RPS8: variants seen among roughly 807,000 people sequenced by gnomAD.
RPS8 encodes ribosomal protein S8, also known as small ribosomal subunit protein eS8.
For synonymous variants in RPS8, 100 were observed against 100.7 expected (o/e 0.99, Z 0.04); for missense variants, 141 against 269.7 (o/e 0.52, Z 3.34).
At chr1:44,775,675 C>T (rs1650819348) in intron 1 of RPS8, 75 bp downstream of exon 1, 2 of 1,586,702 alleles carry the variant, frequency 1.3e-6, no homozygotes, top group South Asian at 2.2e-5. Context: ...TCACAGCCTA[C>T]TGAGGAGTCC....
In RPS8 at chr1:44,778,670, C is replaced by G. The variant is rs1291170668; in HGVS notation, c.612C>G (p.Ala204=). 6.2e-7 allele frequency: 1 copy of G among 1,609,198 alleles called. No homozygotes were observed. The highest frequency in any genetic ancestry group is 8.5e-7 in the Non-Finnish European group (1 of 1,177,888). ...ELEFYLRKIK[A]RKGK ...AGTTCTATCTTAGGAAAATCAAGGC[C>G]CGCAAAGGCAAATAAATCCTTGTTT... The change falls in exon 6 of 6, where the codon GCC becomes GCG. Residue 204 remains alanine, a synonymous_variant. Coordinates refer to ENST00000396651, the MANE Select transcript of RPS8 (RefSeq NM_001012.2).
At chr1:44,778,415 T>C in intron 5 of RPS8, 161 bp from the exon 6 acceptor site, 1 of 813,210 alleles carries the variant, frequency 1.2e-6, no homozygotes, top group East Asian at 2.4e-5. Flanking sequence ...CTTTGTCCAG[T>C]TCTGCTACTG....
At chr1:44,775,931 A>T in intron 1 of RPS8, 103 bp from the exon 2 acceptor site, 1 of 1,077,428 alleles carries the variant, frequency 9.3e-7, no homozygotes, top group Non-Finnish European at 1.4e-6. Flanking sequence ...AACCTTGGAG[A>T]GCTGAGCGTG....
intron 1 of RPS8, 73 bp from the exon 2 acceptor site, chr1:44,775,961 G>T: frequency 1.4e-6 from 2 of 1,413,654 alleles, no homozygotes; most frequent in East Asian, 4.6e-5. Context: ...CGGCGCGGGG[G>T]TCTCCGGGAG....
At position 44,776,666 on chromosome 1, in the gene RPS8, GT is replaced by G. The variant is rs1383682385; in HGVS notation, c.112-5del. 6.2e-7 allele frequency: 1 copy of G among 1,613,094 alleles called. No homozygotes were observed. Among genetic ancestry groups the G allele is most frequent in the Non-Finnish European group, 8.5e-7 (1 of 1,179,442 alleles). On this transcript the variant is annotated splice_polypyrimidine_tract_variant and splice_region_variant and intron_variant, in intron 2 of 5. Transcript: ENST00000396651. ...GGTAACCTAGTTCCTGTAACCTTGTGTTTTCCAGATTGGCCCCCGCCGCATC... is the reference window on the plus strand; with the variant it reads ...GGTAACCTAGTTCCTGTAACCTTGTGTTTCCAGATTGGCCCCCGCCGCATC...
In RPS8 at chr1:44,778,046, T is replaced by C. The variant is rs1650920453; in HGVS notation, c.434T>C (p.Ile145Thr). The change falls in exon 5 of 6, where the codon ATT becomes ACT. Residue 145 changes from isoleucine to threonine, a missense_variant. Ile to Thr is a moderately conservative substitution (Grantham distance 89, BLOSUM62 -1). Transcript: ENST00000396651. ...EILNKKRSKK[I>T]QKKYDERKKN... ...TTAAACAAAAAACGATCTAAAAAAA[T>C]TCAGAAGAAATATGATGAAAGGAAA... 1.9e-6 allele frequency: 3 copies of C among 1,613,404 alleles called. No individual in the cohort carries two copies. The Admixed American group carries it at 5.0e-5, about 27-fold the overall frequency.
intron 5 of RPS8, 106 bp from the exon 6 acceptor site, chr1:44,778,470 A>G (rs889102023): frequency 7.5e-6 from 7 of 927,620 alleles, no homozygotes; most frequent in Non-Finnish European, 1.3e-5. Flanking sequence ...AGCTGGCTTC[A>G]TGCTTGCCCC....
In RPS8 at chr1:44,775,568, C is replaced by T. The variant is rs754429093; in HGVS notation, c.-29C>T. 16 of 1,613,918 alleles carry T rather than the reference C, an allele frequency of 9.9e-6. No individual in the cohort carries two copies. Among genetic ancestry groups the T allele is most frequent in the East Asian group, 4.5e-5 (2 of 44,890 alleles). On this transcript the variant is annotated 5_prime_UTR_variant, in exon 1 of 6. Coordinates refer to ENST00000396651, the MANE Select transcript of RPS8 (RefSeq NM_001012.2). ...TTACAAACCGAACCGTGAATCTTTG[C>T]GGTTTCTCTTTCCAGCCAGCGCCGA...
chr1:44,776,480 T>A (rs1471268798), intron 2 of RPS8, 195 bp from the exon 3 acceptor site: 1 of 764,314 alleles, frequency 1.3e-6, no homozygotes, highest in Non-Finnish European at 2.4e-6. Context: ...CAGGCTTTCC[T>A]CTTGGAGGCA....
At chr1:44,776,828 A>G (rs1422719050) in intron 3 of RPS8, 54 bp downstream of exon 3, 1 of 1,394,762 alleles carries the variant, frequency 7.2e-7, no homozygotes, top group Non-Finnish European at 9.9e-7. Flanking sequence ...CGGTCTTAAG[A>G]TTCACCAAGT....
At chr1:44,778,358 TG>T in intron 5 of RPS8, 1 of 806,756 alleles carries the variant, frequency 1.2e-6, no homozygotes. Context: ...TCTTTGTATT[TG>T]GGGAAGTCTC....
chr1:44,777,212 C>A, intron 3 of RPS8: 1 of 213,340 alleles, frequency 4.7e-6, no homozygotes, highest in South Asian at 7.3e-5. Flanking sequence ...GCTGGGATTA[C>A]AGGCGTGTGC....
intron 4 of RPS8, 41 bp from the exon 5 acceptor site, chr1:44,777,959 C>G (rs773786387): frequency 6.2e-7 from 1 of 1,612,604 alleles, no homozygotes; most frequent in South Asian, 1.1e-5. Context: ...CCAGGGCCTG[C>G]CTTCCTTCCC....
At chr1:44,775,997 CAG>C in intron 1 of RPS8, 35 bp from the exon 2 acceptor site, 1 of 1,592,092 alleles carries the variant, frequency 6.3e-7, no homozygotes, top group Non-Finnish European at 8.6e-7. Context: ...CACCGAGTCA[CAG>C]TGGCTCAAGC....
intron 2 of RPS8, 84 bp from the exon 3 acceptor site, chr1:44,776,591 T>C (rs770019745): frequency 1.6e-5 from 18 of 1,123,310 alleles, no homozygotes; most frequent in Non-Finnish European, 1.9e-5. Context: ...ACACTGACTG[T>C]TGCCTCCTCC....
In RPS8 at chr1:44,775,563, CTT is replaced by C. The variant is rs750602792; in HGVS notation, c.-32_-31del. 19 of 1,613,936 alleles carry C rather than the reference CTT, an allele frequency of 1.2e-5. No homozygotes were observed. Among genetic ancestry groups the C allele is most frequent in the African/African-American group, 2.7e-5 (2 of 74,918 alleles). On this transcript the variant is annotated 5_prime_UTR_variant, in exon 1 of 6. Transcript: ENST00000396651. ...GCGTTTTACAAACCGAACCGTGAAT[CTT>C]TGCGGTTTCTCTTTCCAGCCAGCGC...
chr1:44,776,242 T>A, intron 2 of RPS8, 102 bp downstream of exon 2: 1 of 809,330 alleles, frequency 1.2e-6, no homozygotes, highest in South Asian at 1.8e-5. Context: ...TTTCTTGGGC[T>A]CTGATTTCTC....
chr1:44,777,351 G>A (rs567058465), intron 3 of RPS8: 31 of 428,602 alleles, frequency 7.2e-5, no homozygotes, highest in Admixed American at 1.2e-4. Flanking sequence ...GGTTACGGGC[G>A]TGAGTCACCG....
At chr1:44,776,431 T>C in intron 2 of RPS8, 1 of 752,326 alleles carries the variant, frequency 1.3e-6, no homozygotes, top group East Asian at 2.5e-5. Flanking sequence ...AGCCTAGTCT[T>C]GTTTTTTTTA....
Sources: allele counts gnomAD v4.1 joint callset, GRCh38; gene constraint gnomAD v4.1.1; transcripts MANE v1.5; gene names NCBI Gene and HGNC (gene_info 2026-07-23, HGNC 2026-07-21).